Variants in ZC3H13 observed in about 807,000 individuals in gnomAD.
ZC3H13 encodes zinc finger CCCH domain-containing protein 13.
ZC3H13 carries 64 observed loss-of-function variants against 204.1 expected under a neutral mutation model. That is an observed-to-expected ratio of 0.31 (90% CI 0.26 to 0.39). ZC3H13 has a LOEUF of 0.39. Ranked by LOEUF, ZC3H13 falls within the 10% of genes least tolerant of loss-of-function variation. The pLI is 1.00. For missense variants in ZC3H13, 1,833 were observed against 2,082.7 expected, an observed-to-expected ratio of 0.88 and a Z score of 2.33; for synonymous variants, 667 against 693.7, an observed-to-expected ratio of 0.96 and a Z score of 0.60.
At position 45,969,753 on chromosome 13, in the gene ZC3H13, T is replaced by C. The variant is rs747220507; in HGVS notation, c.2791A>G (p.Arg931Gly). The C allele has an allele frequency of 6.2e-7, 1 of 1,613,942 alleles. No homozygotes were observed. Among genetic ancestry groups the C allele is most frequent in the Admixed American group, 1.7e-5 (1 of 60,020 alleles). Residue 931 changes from arginine to glycine, a missense_variant, in exon 14 of 19, where the codon AGA becomes GGA. Around this residue, in one of 5 missense-constraint regions of ZC3H13, gnomAD observed 1,574 missense variants for 1,757.2 expected, o/e 0.90. Transcript: ENST00000679008. ...CCTATAATGTCCTGTGCACGCATTC[T>C]TGAGCTTTCCAGGATTTCTGTCTGT... ...REQTEILESS[R>G]MRAQDIIGHH...
chr13:46,020,753 T>C (rs1343489999), intron 4 of ZC3H13, among the ~76,000 whole-genome samples, 196 bp from the exon 5 acceptor site: 2 of 151,980 alleles, frequency 1.3e-5, no homozygotes, highest in Non-Finnish European at 2.9e-5. Flanking sequence ...CTATACTCCA[T>C]TTTACTAAAG....
chr13:46,018,101 GA>G (rs1272957123), intron 5 of ZC3H13, among the ~76,000 whole-genome samples: 1 of 152,110 alleles, frequency 6.6e-6, no homozygotes. Flanking sequence ...GCTTGAACAG[GA>G]AGATACAAAA....
chr13:46,046,067 T>C (rs982038293), intron 1 of ZC3H13, among the ~76,000 whole-genome samples: 1 of 152,194 alleles, frequency 6.6e-6, no homozygotes, highest in Non-Finnish European at 1.5e-5. Flanking sequence ...AGTATTTTCT[T>C]TGCCTGACAG....
chr13:46,035,301 T>TTTTTC (rs2043144569), intron 4 of ZC3H13, among the ~76,000 whole-genome samples: 2 of 152,114 alleles, frequency 1.3e-5, no homozygotes, highest in Admixed American at 1.3e-4. Flanking sequence ...GGCCCACAGA[T>TTTTTC]CAAGAGAAAA....
At chr13:46,020,702 G>A in intron 4 of ZC3H13, 145 bp from the exon 5 acceptor site, 2 of 583,508 alleles carry the variant, frequency 3.4e-6, no homozygotes, top group Non-Finnish European at 5.8e-6. Context: ...CCACTAAGTA[G>A]AGAAAGTGAC....
intron 8 of ZC3H13, among the ~76,000 whole-genome samples, chr13:45,991,864 C>A (rs1181576339): frequency 6.6e-6 from 1 of 151,972 alleles, no homozygotes; most frequent in African/African-American, 2.4e-5. Context: ...TGAGAATATT[C>A]AGGGTATATT....
chr13:45,963,888 A>G lies in ZC3H13; in HGVS notation c.4629T>C (p.Phe1543=), dbSNP rs749358086. Residue 1543 remains phenylalanine, a synonymous_variant, in exon 17 of 19, where the codon TTT becomes TTC. Transcript: ENST00000679008. Reference sequence around the variant, plus strand: ...TCTGACATGTTTCTTTGACTTTGGCAAAGAGTTCAGAACCTGCCAACTTTT... The same window carrying G: ...TCTGACATGTTTCTTTGACTTTGGCGAAGAGTTCAGAACCTGCCAACTTTT... ...ISKKLAGSEL[F]AKVKETCQRL... is the part of the protein sequence containing the mutation. 1.6e-5 allele frequency: 26 copies of G among 1,614,008 alleles called. No individual in the cohort carries two copies. The highest frequency in any genetic ancestry group is 2.7e-5 in the African/African-American group (2 of 74,932).
chr13:46,012,088 A>G (rs111252804), intron 5 of ZC3H13, among the ~76,000 whole-genome samples: 24 of 152,362 alleles, frequency 1.6e-4, no homozygotes, highest in African/African-American at 5.5e-4. Context: ...TAATGTGTAC[A>G]TAAACTAATT....
intron 9 of ZC3H13, 58 bp downstream of exon 9, chr13:45,988,729 C>T (rs1324868591): frequency 6.5e-7 from 1 of 1,531,680 alleles, no homozygotes; most frequent in Middle Eastern, 1.8e-4. Flanking sequence ...TCTCTTAGTA[C>T]AACAATAAAG....
intron 16 of ZC3H13, among the ~76,000 whole-genome samples, 158 bp downstream of exon 16, chr13:45,965,122 G>T (rs1951977129): frequency 1.3e-5 from 2 of 152,120 alleles, no homozygotes; most frequent in South Asian, 4.1e-4. Context: ...AGGCATATAG[G>T]CTATAATTTT....
chr13:46,026,641 C>T lies in ZC3H13; in HGVS notation c.340-6084G>A, dbSNP rs148696824. Reference sequence around the variant, plus strand: ...TTTTTAAAAATCAAAAGAAAACACACATACACACGTAAAAAACAAAAGGCC... The same window carrying T: ...TTTTTAAAAATCAAAAGAAAACACATATACACACGTAAAAAACAAAAGGCC... On this transcript the variant is annotated intron_variant, in intron 4 of 18. Transcript: ENST00000679008. Among the ~76,000 whole-genome samples, 154 of 152,026 alleles carry T rather than the reference C, an allele frequency of 1.0e-3. 1 individual carries two copies. The highest frequency in any genetic ancestry group is 3.4e-3 in the African/African-American group (142 of 41,510).
intron 8 of ZC3H13, among the ~76,000 whole-genome samples, chr13:45,994,271 A>G (rs2040175276): frequency 6.6e-6 from 1 of 152,254 alleles, no homozygotes; most frequent in Admixed American, 6.5e-5. Flanking sequence ...TGTTATCAGT[A>G]AAGTTTCCAG....
At chr13:46,050,780 C>T (rs1247634798) in intron 1 of ZC3H13, among the ~76,000 whole-genome samples, 1 of 151,636 alleles carries the variant, frequency 6.6e-6, no homozygotes, top group Non-Finnish European at 1.5e-5. Flanking sequence ...TAGGAATTAG[C>T]AAAGCAACAC....
At chr13:45,958,775 C>A (rs544606911) in intron 18 of ZC3H13, among the ~76,000 whole-genome samples, 2 of 151,886 alleles carry the variant, frequency 1.3e-5, no homozygotes, top group African/African-American at 4.8e-5. Context: ...CTGCCTCAGC[C>A]TCCCAAATAG....
chr13:46,010,944 T>C (rs748076704), intron 6 of ZC3H13, among the ~76,000 whole-genome samples: 3 of 152,182 alleles, frequency 2.0e-5, no homozygotes, highest in African/African-American at 2.4e-5. Context: ...TATCTGTTGA[T>C]ATTAGTCTGA....
intron 10 of ZC3H13, 28 bp from the exon 11 acceptor site, chr13:45,980,032 T>C: frequency 6.4e-7 from 1 of 1,563,434 alleles, no homozygotes; most frequent in Non-Finnish European, 8.6e-7. Context: ...ACACAAATGT[T>C]TACCACATAC....
chr13:45,967,745 C>T lies in ZC3H13; in HGVS notation c.4080G>A (p.Glu1360=), dbSNP rs1952214858. The change falls in exon 15 of 19, where the codon GAG becomes GAA. Residue 1360 remains glutamate (E), a synonymous_variant. Transcript: ENST00000679008. The part of the protein sequence containing the change: ...DKRRDLDRER[E]RLISDSVERD... ...TTTCAACAGAATCAGAAATTAGTCT[C>T]TCTCTTTCCCTATCCAAGTCTCTCC... The T allele has an allele frequency of 6.2e-7, 1 of 1,613,016 alleles. No homozygotes were observed. Among genetic ancestry groups the T allele is most frequent in the African/African-American group, 1.3e-5 (1 of 75,002 alleles).
At chr13:46,010,267 A>G (rs1255943025) in intron 7 of ZC3H13, 81 bp downstream of exon 7, 1 of 1,309,522 alleles carries the variant, frequency 7.6e-7, no homozygotes, top group East Asian at 2.4e-5. Flanking sequence ...TACTAAAAGT[A>G]CCCTTTTATA....
intron 4 of ZC3H13, among the ~76,000 whole-genome samples, chr13:46,041,743 T>C (rs951240592): frequency 2.0e-5 from 3 of 152,142 alleles, no homozygotes; most frequent in Admixed American, 6.5e-5. Flanking sequence ...TTACCTCAAC[T>C]TTCTAGTGCA....
Sources: gnomAD v4.1 joint callset for allele counts (sites outside exome capture counted in the v4.1 genomes callset) on GRCh38, gnomAD v4.1.1 for gene constraint, gnomAD v4.1.1 regional missense constraint, MANE v1.5 for transcripts, NCBI Gene and HGNC (gene_info 2026-07-23, HGNC 2026-07-21) for gene names.